Variants in BCAT1 observed in about 807,000 individuals in gnomAD.
The protein encoded by BCAT1 is branched-chain-amino-acid aminotransferase, cytosolic.
Under a neutral mutation model 52.4 loss-of-function variants are expected in BCAT1, and 48 were observed. That is an observed-to-expected ratio of 0.92 (90% CI 0.73 to 1.16). The LOEUF (loss-of-function observed/expected upper bound fraction) is 1.16, where lower values mean the gene tolerates loss of function less well. Ranked by LOEUF, BCAT1 falls within the 50% of genes most tolerant of loss-of-function variation. The probability of loss-of-function intolerance (pLI) is 0.00; values close to 1 mark genes in which losing one functional copy is unlikely to be tolerated. For synonymous variants in BCAT1, 167 were observed against 161.3 expected (o/e 1.04, Z -0.27); for missense variants, 451 against 457.1 (o/e 0.99, Z 0.12).
intron 1 of BCAT1, among the ~76,000 whole-genome samples, chr12:24,908,227 T>C (rs1485365665): frequency 1.3e-5 from 2 of 152,212 alleles, no homozygotes; most frequent in Non-Finnish European, 2.9e-5. Context: ...ACTCGTTGTC[T>C]TCCCTTGTAC....
intron 1 of BCAT1, among the ~76,000 whole-genome samples, chr12:24,906,511 T>G (rs564250305): frequency 6.6e-6 from 1 of 152,308 alleles, no homozygotes; most frequent in East Asian, 1.9e-4. Context: ...TATGTCAGTT[T>G]TCTCCGCTGT....
chr12:24,893,289 T>C (rs1024197222), intron 3 of BCAT1, among the ~76,000 whole-genome samples: 1 of 152,232 alleles, frequency 6.6e-6, no homozygotes. Flanking sequence ...GATATGACTC[T>C]ATATGCTTAG....
At chr12:24,849,759 T>C in intron 6 of BCAT1, 27 bp downstream of exon 6, 1 of 1,593,068 alleles carries the variant, frequency 6.3e-7, no homozygotes, top group Non-Finnish European at 8.6e-7. Flanking sequence ...GTGTCTTTCC[T>C]TTAGACAGAG....
intron 2 of BCAT1, among the ~76,000 whole-genome samples, chr12:24,896,076 A>G (rs916745796): frequency 2.0e-5 from 3 of 151,976 alleles, no homozygotes; most frequent in African/African-American, 4.8e-5. Flanking sequence ...CTGGTCTCGA[A>G]CTCCTGGGCT....
chr12:24,825,144 T>C (rs999185786), intron 10 of BCAT1, among the ~76,000 whole-genome samples: 1 of 146,724 alleles, frequency 6.8e-6, no homozygotes, highest in Non-Finnish European at 1.5e-5. Flanking sequence ...TGTATATATA[T>C]ATATATATAT....
intron 6 of BCAT1, among the ~76,000 whole-genome samples, chr12:24,845,169 G>A (rs910395077): frequency 7.3e-5 from 11 of 151,228 alleles, no homozygotes; most frequent in African/African-American, 2.7e-4. Context: ...AGCTGAGATG[G>A]TGCCACTGCA....
At chr12:24,847,119 C>T (rs1941370240) in intron 6 of BCAT1, among the ~76,000 whole-genome samples, 1 of 152,162 alleles carries the variant, frequency 6.6e-6, no homozygotes, top group Non-Finnish European at 1.5e-5. Context: ...GTATTATTGC[C>T]TCAACTTTAA....
chr12:24,852,191 C>G (rs934342169), intron 5 of BCAT1, among the ~76,000 whole-genome samples: 1 of 152,190 alleles, frequency 6.6e-6, no homozygotes, highest in Non-Finnish European at 1.5e-5. Context: ...AGTCATGCTT[C>G]CTGTTAAGCC....
At chr12:24,832,408 C>CA (rs1219887561) in intron 9 of BCAT1, among the ~76,000 whole-genome samples, 1 of 151,806 alleles carries the variant, frequency 6.6e-6, no homozygotes, top group Non-Finnish European at 1.5e-5. Context: ...ACAAAAACAA[C>CA]AACAAAAAAG....
intron 7 of BCAT1, among the ~76,000 whole-genome samples, chr12:24,837,522 G>A (rs1342894611): frequency 6.6e-6 from 1 of 150,998 alleles, no homozygotes; most frequent in Non-Finnish European, 1.5e-5. Context: ...TGCCTCCCAG[G>A]GTCAAGTGAT....
At chr12:24,861,703 C>T (rs1265158938) in intron 5 of BCAT1, among the ~76,000 whole-genome samples, 1 of 152,208 alleles carries the variant, frequency 6.6e-6, no homozygotes, top group Non-Finnish European at 1.5e-5. Context: ...TAAACCAGAG[C>T]AACTCCATCT....
chr12:24,944,788 G>C (rs1023803497), intron 1 of BCAT1, among the ~76,000 whole-genome samples: 1 of 152,152 alleles, frequency 6.6e-6, no homozygotes, highest in Non-Finnish European at 1.5e-5. Flanking sequence ...CTTTCAATAA[G>C]AAAGAGCCAT....
chr12:24,835,969 G>A (rs1940905109), intron 8 of BCAT1, among the ~76,000 whole-genome samples: 1 of 152,164 alleles, frequency 6.6e-6, no homozygotes, highest in South Asian at 2.1e-4. Flanking sequence ...TTGCTTGCAT[G>A]TTCTGATTTT....
At chr12:24,890,152 G>C (rs947534056) in intron 3 of BCAT1, among the ~76,000 whole-genome samples, 2 of 152,012 alleles carry the variant, frequency 1.3e-5, no homozygotes, top group Non-Finnish European at 2.9e-5. Flanking sequence ...ACCAGAAGAG[G>C]GGGTCATGGG....
intron 5 of BCAT1, among the ~76,000 whole-genome samples, chr12:24,867,301 C>T (rs981252331): frequency 1.3e-5 from 2 of 151,886 alleles, no homozygotes; most frequent in East Asian, 1.9e-4. Context: ...CCACCAATTC[C>T]GGATACGCTA....
chr12:24,844,050 G>A (rs1351709996), intron 6 of BCAT1, among the ~76,000 whole-genome samples: 2 of 152,174 alleles, frequency 1.3e-5, no homozygotes, highest in Non-Finnish European at 2.9e-5. Flanking sequence ...GGAAGAAAAA[G>A]GGGGATGTGC....
intron 1 of BCAT1, among the ~76,000 whole-genome samples, chr12:24,905,772 TAAGG>T (rs1228330447): frequency 6.6e-6 from 1 of 151,890 alleles, no homozygotes; most frequent in African/African-American, 2.4e-5. Flanking sequence ...ATTGAAAGGT[TAAGG>T]ATTAGGTGGA....
rs377053992 is a variant in BCAT1 at position 24,872,711 on chromosome 12, A to G, written c.510+5819T>C. Among the ~76,000 whole-genome samples the G allele has an allele frequency of 5.6e-4, 86 of 152,346 alleles. No individual in the cohort carries two copies. In the South Asian group the frequency reaches 0.017, roughly 31 times the overall value. ...CAGGTAGCCTGCAAATCTGTGGTGG[A>G]CAGCCTGGGATCTGGTCACAGTCCT... On this transcript the variant is annotated intron_variant, in intron 5 of 10. Transcript: ENST00000261192.
At chr12:24,851,677 C>G (rs569457115) in intron 5 of BCAT1, among the ~76,000 whole-genome samples, 1 of 152,140 alleles carries the variant, frequency 6.6e-6, no homozygotes, top group East Asian at 1.9e-4. Context: ...TGTTCTTTAA[C>G]AGAGACTGAA....
Sources: allele counts gnomAD v4.1 joint callset (sites outside exome capture counted in the v4.1 genomes callset), GRCh38; gene constraint gnomAD v4.1.1; transcripts MANE v1.5; gene names NCBI Gene and HGNC (gene_info 2026-07-23, HGNC 2026-07-21).